NTNG1: variants seen among roughly 807,000 people sequenced by gnomAD.
NTNG1 encodes the protein netrin G1, also known as netrin-G1.
Under a neutral mutation model 54.0 loss-of-function variants are expected in NTNG1, and 16 were observed. The observed-to-expected ratio is 0.30, with a 90% CI of 0.20 to 0.45. NTNG1 has a LOEUF of 0.45. NTNG1 is among the 20% of genes least tolerant of loss of function. The probability of loss-of-function intolerance (pLI) is 1.00; values close to 1 mark genes in which losing one functional copy is unlikely to be tolerated. For missense variants in NTNG1, 530 were observed against 678.7 expected (o/e 0.78, Z 2.43); for synonymous variants, 255 against 263.1 (o/e 0.97, Z 0.30).
At chr1:107,224,514 T>G (rs1431497991) in intron 2 of NTNG1, among the ~76,000 whole-genome samples, 3 of 152,174 alleles carry the variant, frequency 2.0e-5, no homozygotes, top group Non-Finnish European at 4.4e-5. Flanking sequence ...TCACCCTCTC[T>G]AAACCTTCCC....
At chr1:107,364,148 T>A (rs1670453358) in intron 3 of NTNG1, among the ~76,000 whole-genome samples, 1 of 152,228 alleles carries the variant, frequency 6.6e-6, no homozygotes, top group Admixed American at 6.5e-5. Flanking sequence ...CAATTATTTC[T>A]ATTTTTGCAA....
At chr1:107,311,598 CT>C (rs1667016576) in intron 2 of NTNG1, among the ~76,000 whole-genome samples, 1 of 152,090 alleles carries the variant, frequency 6.6e-6, no homozygotes, top group African/African-American at 2.4e-5. Flanking sequence ...GTTCTTTAAG[CT>C]TGATTATGTC....
intron 3 of NTNG1, among the ~76,000 whole-genome samples, chr1:107,373,065 ATTAT>A (rs1472422553): frequency 6.6e-6 from 1 of 152,006 alleles, no homozygotes; most frequent in Admixed American, 6.6e-5. Context: ...TAGTGTTTAG[ATTAT>A]TTATACTTAA....
intron 1 of NTNG1, among the ~76,000 whole-genome samples, chr1:107,147,846 G>T (rs570716149): frequency 6.6e-6 from 1 of 152,246 alleles, no homozygotes; most frequent in East Asian, 1.9e-4. Context: ...ACGCACACGT[G>T]TCTGTCTTTG....
At chr1:107,183,922 C>A (rs1389488142) in intron 2 of NTNG1, among the ~76,000 whole-genome samples, 3 of 152,072 alleles carry the variant, frequency 2.0e-5, no homozygotes, top group African/African-American at 7.2e-5. Flanking sequence ...CTTTTCCTGC[C>A]ACAATCTGAT....
chr1:107,240,780 T>C (rs970365838), intron 2 of NTNG1, among the ~76,000 whole-genome samples: 3 of 152,180 alleles, frequency 2.0e-5, no homozygotes, highest in African/African-American at 7.2e-5. Context: ...GTAGTGAAGA[T>C]TGATGTAAAT....
chr1:107,230,880 A>G (rs529120201), intron 2 of NTNG1, among the ~76,000 whole-genome samples: 22 of 152,112 alleles, frequency 1.4e-4, no homozygotes, highest in Non-Finnish European at 2.9e-4. Context: ...AATTTCAAAG[A>G]TGAGTGAATT....
At chr1:107,174,409 A>G (rs970603657) in intron 2 of NTNG1, among the ~76,000 whole-genome samples, 2 of 151,956 alleles carry the variant, frequency 1.3e-5, no homozygotes, top group Non-Finnish European at 2.9e-5. Context: ...GTTTTTGCCT[A>G]CTTAATTCTT....
intron 3 of NTNG1, among the ~76,000 whole-genome samples, chr1:107,384,097 G>A: frequency 6.6e-6 from 1 of 152,090 alleles, no homozygotes; most frequent in Non-Finnish European, 1.5e-5. Flanking sequence ...TTTAGCAAAT[G>A]GTCACGGAGC....
chr1:107,163,405 C>G (rs1044397413), intron 2 of NTNG1, among the ~76,000 whole-genome samples: 1 of 151,964 alleles, frequency 6.6e-6, no homozygotes, highest in Non-Finnish European at 1.5e-5. Context: ...TATTAATTAT[C>G]TTTATCATTG....
chr1:107,436,027 A>G (rs1227059756), intron 6 of NTNG1, among the ~76,000 whole-genome samples: 1 of 152,202 alleles, frequency 6.6e-6, no homozygotes, highest in Non-Finnish European at 1.5e-5. Flanking sequence ...ATCTTAAATT[A>G]TAACTATGTT....
intron 2 of NTNG1, among the ~76,000 whole-genome samples, chr1:107,202,039 A>G (rs940966351): frequency 3.2e-4 from 48 of 151,728 alleles, no homozygotes; most frequent in African/African-American, 1.1e-3. Flanking sequence ...ATTTTGTCTT[A>G]TATTAATATT....
At chr1:107,179,095 G>A (rs1036951281) in intron 2 of NTNG1, among the ~76,000 whole-genome samples, 4 of 152,258 alleles carry the variant, frequency 2.6e-5, no homozygotes, top group African/African-American at 9.6e-5. Flanking sequence ...CCCAGGGAGG[G>A]GCCCTGAAAG....
At chr1:107,267,685 T>C (rs1663842930) in intron 2 of NTNG1, among the ~76,000 whole-genome samples, 1 of 152,198 alleles carries the variant, frequency 6.6e-6, no homozygotes, top group Non-Finnish European at 1.5e-5. Context: ...TCTTTGAACG[T>C]GCTGCTTTCT....
chr1:107,213,491 A>C (rs896508721), intron 2 of NTNG1, among the ~76,000 whole-genome samples: 3 of 152,062 alleles, frequency 2.0e-5, no homozygotes, highest in Non-Finnish European at 4.4e-5. Flanking sequence ...TGCATTTCCC[A>C]AAACAGATTA....
At chr1:107,306,707 C>T (rs1048894854) in intron 2 of NTNG1, among the ~76,000 whole-genome samples, 6 of 151,554 alleles carry the variant, frequency 4.0e-5, no homozygotes, top group Admixed American at 6.6e-5. Flanking sequence ...GCCGAGATCA[C>T]GCCCTTGCGC....
intron 2 of NTNG1, among the ~76,000 whole-genome samples, chr1:107,274,744 G>A (rs1012371566): frequency 6.6e-6 from 1 of 152,224 alleles, no homozygotes; most frequent in African/African-American, 2.4e-5. Context: ...ATTGTAGAGG[G>A]TTTTAGATGT....
intron 2 of NTNG1, among the ~76,000 whole-genome samples, chr1:107,266,122 A>C (rs1457546792): frequency 6.6e-6 from 1 of 152,120 alleles, no homozygotes; most frequent in Non-Finnish European, 1.5e-5. Context: ...TGTCTCATTC[A>C]TCTGTTTTCT....
chr1:107,456,961 C>A (rs1424913737), intron 7 of NTNG1, among the ~76,000 whole-genome samples: 1 of 152,186 alleles, frequency 6.6e-6, no homozygotes, highest in Non-Finnish European at 1.5e-5. Flanking sequence ...ATTAATAATT[C>A]TTCTGCAGAA....
Sources: allele counts gnomAD v4.1 joint callset (sites outside exome capture counted in the v4.1 genomes callset), GRCh38; gene constraint gnomAD v4.1.1; transcripts MANE v1.5; gene names NCBI Gene and HGNC (gene_info 2026-07-23, HGNC 2026-07-21).